Variants in MYO16 observed in about 807,000 individuals in gnomAD.
MYO16 encodes unconventional myosin-XVI.
A neutral mutation model predicts 205.3 loss-of-function variants in MYO16; 94 were observed. The observed-to-expected ratio is 0.46, with a 90% CI of 0.39 to 0.54. The LOEUF is 0.54. MYO16 is among the 20% of genes least tolerant of loss of function. The pLI, the probability that MYO16 is intolerant of heterozygous loss-of-function variation, is 0.00. For missense variants in MYO16, 2,315 were observed against 2,387.5 expected (o/e 0.97, Z 0.63); for synonymous variants, 988 against 954.0 (o/e 1.04, Z -0.66).
At chr13:108,722,090 G>A (rs1884185799) in intron 3 of MYO16, among the ~76,000 whole-genome samples, 1 of 152,072 alleles carries the variant, frequency 6.6e-6, no homozygotes, top group South Asian at 2.1e-4. Flanking sequence ...TTTTGCACTG[G>A]GTCCCACCTT....
chr13:108,776,239 C>T (rs957741737), intron 4 of MYO16, among the ~76,000 whole-genome samples: 4 of 152,076 alleles, frequency 2.6e-5, no homozygotes, highest in Admixed American at 6.6e-5. Context: ...TTCATGGAGG[C>T]GAGACAGAGG....
chr13:109,023,505 A>G (rs1322802885), intron 23 of MYO16, among the ~76,000 whole-genome samples: 2 of 116,530 alleles, frequency 1.7e-5, no homozygotes, highest in South Asian at 2.5e-4. Context: ...TTATACAGAT[A>G]TAAATATATA....
At chr13:108,524,460 C>T in the MYO16 span, among the ~76,000 whole-genome samples, 2 of 152,210 alleles carry the variant, frequency 1.3e-5, no homozygotes, top group Non-Finnish European at 2.9e-5. Flanking sequence ...TCACCAGAAG[C>T]TGAGCAGATG....
At chr13:109,178,743 G>A (rs1379749845) in intron 33 of MYO16, among the ~76,000 whole-genome samples, 1 of 152,108 alleles carries the variant, frequency 6.6e-6, no homozygotes, top group African/African-American at 2.4e-5. Context: ...AACATTTCTG[G>A]GTGCCACAAA....
chr13:108,832,448 G>T (rs1403222717), intron 9 of MYO16, among the ~76,000 whole-genome samples: 3 of 151,860 alleles, frequency 2.0e-5, no homozygotes, highest in Non-Finnish European at 4.4e-5. Flanking sequence ...AGCCCCATGT[G>T]GATTTGTATG....
chr13:108,695,138 G>A (rs896262411), intron 2 of MYO16, among the ~76,000 whole-genome samples: 3 of 152,102 alleles, frequency 2.0e-5, no homozygotes, highest in African/African-American at 7.2e-5. Context: ...TAAAAACAGA[G>A]TATTAGAGTT....
chr13:108,837,854 T>A (rs542554822), intron 9 of MYO16, among the ~76,000 whole-genome samples: 3 of 152,316 alleles, frequency 2.0e-5, no homozygotes, highest in African/African-American at 7.2e-5. Context: ...TAAAGAAATC[T>A]TTCTACTTGG....
intron 27 of MYO16, among the ~76,000 whole-genome samples, chr13:109,067,664 C>A (rs7324743): frequency 0.5 from 75,858 of 151,772 alleles, 18,982 homozygotes; most frequent in Middle Eastern, 0.55. Context: ...CAGCTGTGGG[C>A]CTTACACTCT....
rs79217234 is a variant in MYO16, at chr13:109,201,100, A to G, written c.5416-5509A>G. Among the ~76,000 whole-genome samples the G allele has an allele frequency of 5.4e-3, 824 of 152,230 alleles. 9 individuals are homozygous for G. The highest frequency in any genetic ancestry group is 0.018 in the African/African-American group (763 of 41,558). ...TTGTTAGGAATTGGTCTCTATTTTC[A>G]TATCCTTTTCTCTACAGTTCTTGCG... On this transcript the variant is annotated intron_variant, in intron 34 of 34. Coordinates refer to ENST00000457511, the MANE Select transcript of MYO16 (RefSeq NM_001198950.3).
intron 27 of MYO16, among the ~76,000 whole-genome samples, chr13:109,069,391 T>C (rs957579255): frequency 2.0e-5 from 3 of 152,186 alleles, no homozygotes; most frequent in African/African-American, 4.8e-5. Context: ...CCAGACATCT[T>C]GGTAGAGCTG....
intron 2 of MYO16, among the ~76,000 whole-genome samples, chr13:108,687,272 T>C (rs538473575): frequency 6.6e-6 from 1 of 152,258 alleles, no homozygotes. Flanking sequence ...TCGCCAGGGG[T>C]TTGATAAATA....
intron 4 of MYO16, among the ~76,000 whole-genome samples, chr13:108,783,356 C>T (rs542193581): frequency 5.3e-5 from 8 of 152,236 alleles, no homozygotes; most frequent in South Asian, 2.1e-4. Flanking sequence ...TCTCCCATTT[C>T]GAATGGTTGT....
chr13:108,728,329 C>T (rs1391327512), intron 4 of MYO16, among the ~76,000 whole-genome samples: 3 of 152,172 alleles, frequency 2.0e-5, no homozygotes, highest in Non-Finnish European at 4.4e-5. Context: ...AAACAACTTG[C>T]CGTAAGCCAA....
At chr13:108,530,031 G>A in the MYO16 span, among the ~76,000 whole-genome samples, 2 of 152,186 alleles carry the variant, frequency 1.3e-5, no homozygotes, top group Non-Finnish European at 2.9e-5. Flanking sequence ...CTCCCACCTG[G>A]ACAGGTGGGT....
the MYO16 span, among the ~76,000 whole-genome samples, chr13:108,576,676 A>G: frequency 6.6e-6 from 1 of 152,194 alleles, no homozygotes. Flanking sequence ...GGCAAAATTG[A>G]CTGTAACATA....
chr13:109,174,748 C>CTTTTTTTT (rs34606084), intron 33 of MYO16, among the ~76,000 whole-genome samples: 4 of 85,626 alleles, frequency 4.7e-5, no homozygotes, highest in African/African-American at 1.6e-4. Context: ...CTTGTCTTGT[C>CTTTTTTTT]TTTTTTTTTT....
At chr13:109,201,510 AAAT>A (rs1483831552) in intron 34 of MYO16, 5 of 149,350 alleles carry the variant, frequency 3.3e-5, no homozygotes, top group African/African-American at 1.2e-4. Context: ...AAAAAAAAAA[AAAT>A]CTTATTCTTT....
intron 2 of MYO16, among the ~76,000 whole-genome samples, chr13:108,696,628 T>C (rs954455652): frequency 3.9e-5 from 6 of 152,174 alleles, no homozygotes; most frequent in Non-Finnish European, 7.4e-5. Flanking sequence ...CCTGGGATGA[T>C]GGAGATTTCC....
intron 1 of MYO16, among the ~76,000 whole-genome samples, chr13:108,608,286 G>C (rs979165549): frequency 6.6e-6 from 1 of 152,122 alleles, no homozygotes; most frequent in Admixed American, 6.5e-5. Flanking sequence ...CCTTTGCCCT[G>C]CTCCCCTGTA....
Sources: gnomAD v4.1 joint callset for allele counts (sites outside exome capture counted in the v4.1 genomes callset) on GRCh38, gnomAD v4.1.1 for gene constraint, MANE v1.5 for transcripts, NCBI Gene and HGNC (gene_info 2026-07-23, HGNC 2026-07-21) for gene names.